Variants in CWC27 observed in about 807,000 individuals in gnomAD.
CWC27 encodes the protein spliceosome-associated protein CWC27 homolog.
In CWC27, 47 loss-of-function variants were observed where a neutral mutation model predicts 63.6. The ratio of observed to expected loss-of-function variants is 0.74; its 90% confidence interval spans 0.58 to 0.94. The LOEUF is 0.94. CWC27 is among the 40% of genes least tolerant of loss of function. The probability of loss-of-function intolerance (pLI) is 0.00; values close to 1 mark genes in which losing one functional copy is unlikely to be tolerated. For synonymous variants in CWC27, 175 were observed against 179.8 expected (o/e 0.97, Z 0.22); for missense variants, 495 against 554.3 (o/e 0.89, Z 1.07).
At chr5:64,871,079 C>T (rs1019466529) in intron 10 of CWC27, among the ~76,000 whole-genome samples, 11 of 151,944 alleles carry the variant, frequency 7.2e-5, no homozygotes, top group African/African-American at 2.4e-4. Context: ...TAAAAAAAAT[C>T]CCATGATATT....
chr5:64,850,192 A>G (rs1481750164), intron 10 of CWC27, among the ~76,000 whole-genome samples: 1 of 144,964 alleles, frequency 6.9e-6, no homozygotes, highest in African/African-American at 2.6e-5. Context: ...CTATACTACA[A>G]AGTTGTAGTA....
At chr5:64,830,354 C>T (rs1482239593) in intron 10 of CWC27, among the ~76,000 whole-genome samples, 1 of 152,018 alleles carries the variant, frequency 6.6e-6, no homozygotes, top group Non-Finnish European at 1.5e-5. Flanking sequence ...ATAAATGGTG[C>T]TGGGAAAACT....
intron 10 of CWC27, among the ~76,000 whole-genome samples, chr5:64,875,144 G>A (rs1001170276): frequency 4.0e-5 from 6 of 151,598 alleles, no homozygotes; most frequent in Non-Finnish European, 8.8e-5. Flanking sequence ...AGTGTGTTTT[G>A]AAAAAAAGAA....
intron 13 of CWC27, among the ~76,000 whole-genome samples, chr5:65,017,057 C>T (rs145033403): frequency 3.3e-5 from 5 of 152,226 alleles, no homozygotes; most frequent in African/African-American, 1.2e-4. Context: ...CACGGTGGCT[C>T]ACACCTGTAA....
intron 10 of CWC27, among the ~76,000 whole-genome samples, chr5:64,875,532 G>A (rs145940604): frequency 2.0e-5 from 3 of 152,078 alleles, no homozygotes; most frequent in East Asian, 1.9e-4. Flanking sequence ...TTGTTGACTC[G>A]CTTATTCCTT....
rs1444332691 is a variant in CWC27, at chr5:64,782,031, A to G, written c.250A>G (p.Lys84Glu). ...AGAGTCTATCTATGGAGCGCCATTCAAAGTAAGACTGAATTATTATTTTTA... is the reference window on the plus strand; with the variant it reads ...AGAGTCTATCTATGGAGCGCCATTCGAAGTAAGACTGAATTATTATTTTTA... ...GGESIYGAPFKDEFHSRLRFN... is the reference protein window; with the variant it reads ...GGESIYGAPFEDEFHSRLRFN... Residue 84 changes from lysine (K) to glutamate (E), a missense_variant and splice_region_variant, in exon 3 of 14, where the codon AAA becomes GAA. By Grantham distance (56) the Lys-to-Glu change is moderately conservative (BLOSUM62 1). Transcript: ENST00000381070. 3 of 1,395,568 alleles carry G rather than the reference A, an allele frequency of 2.1e-6. No individual in the cohort carries two copies. The highest frequency in any genetic ancestry group is 3.0e-6 in the Non-Finnish European group (3 of 1,006,300). The allele number at this position is 1,395,568 out of a possible 1,614,324, so 86.4% of individuals were successfully genotyped here.
chr5:64,807,825 C>G lies in CWC27; in HGVS notation c.938+3439C>G, dbSNP rs1462092995. Reference sequence around the variant, plus strand: ...GAAATGAGAGTAAATTTCTTCAACCCGTATTTCTTTCTCTTCCCCGCTTCG... The same window carrying G: ...GAAATGAGAGTAAATTTCTTCAACCGGTATTTCTTTCTCTTCCCCGCTTCG... On this transcript the variant is annotated intron_variant, in intron 10 of 13. Coordinates refer to ENST00000381070, the MANE Select transcript of CWC27 (RefSeq NM_005869.4). 5.2e-6 allele frequency: 8 copies of G among 1,531,974 alleles called. No individual in the cohort carries two copies. In the African/African-American group the frequency reaches 9.6e-5, roughly 18 times the overall value. The allele number at this position is 1,531,974 out of a possible 1,614,324, so 94.9% of individuals were successfully genotyped here.
At chr5:64,856,468 A>G (rs202012308) in intron 10 of CWC27, among the ~76,000 whole-genome samples, 37 of 149,586 alleles carry the variant, frequency 2.5e-4, no homozygotes, top group East Asian at 5.9e-4. Flanking sequence ...GTGTGTGTGT[A>G]TGTGTGTGTG....
intron 10 of CWC27, among the ~76,000 whole-genome samples, chr5:64,846,451 C>A (rs1451421580): frequency 6.6e-6 from 1 of 152,128 alleles, no homozygotes; most frequent in Non-Finnish European, 1.5e-5. Context: ...TTGTTGTATG[C>A]AAAGTTAAGT....
At chr5:64,979,984 A>AAG (rs1554028718) in intron 13 of CWC27, among the ~76,000 whole-genome samples, 19 of 151,324 alleles carry the variant, frequency 1.3e-4, no homozygotes, top group Non-Finnish European at 1.8e-4. Context: ...AAAAAAAAAA[A>AAG]AGAGAGAGGG....
At chr5:64,991,462 C>T (rs1196698075) in intron 13 of CWC27, among the ~76,000 whole-genome samples, 1 of 152,242 alleles carries the variant, frequency 6.6e-6, no homozygotes, top group Non-Finnish European at 1.5e-5. Context: ...CTGTGGCTCA[C>T]GCCTGTAATC....
intron 10 of CWC27, among the ~76,000 whole-genome samples, chr5:64,844,103 T>C (rs7731884): frequency 0.35 from 53,588 of 151,946 alleles, 9,897 homozygotes; most frequent in East Asian, 0.51. Context: ...TCCCCTTCCC[T>C]TAAGTCAAGC....
At chr5:64,932,237 C>CCCTG (rs1748252623) in intron 11 of CWC27, among the ~76,000 whole-genome samples, 2 of 152,204 alleles carry the variant, frequency 1.3e-5, no homozygotes, top group South Asian at 4.2e-4. Context: ...AATGTCAGAG[C>CCCTG]CCTGATTCAA....
At chr5:64,835,499 C>T (rs1379850627) in intron 10 of CWC27, among the ~76,000 whole-genome samples, 1 of 151,778 alleles carries the variant, frequency 6.6e-6, no homozygotes. Context: ...CAAACTTTTC[C>T]ACTTTCCATT....
At chr5:64,791,676 C>T (rs948683678) in intron 7 of CWC27, among the ~76,000 whole-genome samples, 6 of 152,120 alleles carry the variant, frequency 3.9e-5, no homozygotes, top group Admixed American at 1.3e-4. Context: ...CTGACTCTCA[C>T]GTCTATATCT....
At chr5:64,856,436 G>A (rs1277998814) in intron 10 of CWC27, among the ~76,000 whole-genome samples, 3 of 150,178 alleles carry the variant, frequency 2.0e-5, no homozygotes, top group Non-Finnish European at 4.4e-5. Flanking sequence ...TTCTGTATTT[G>A]TCTTTAAGAA....
At chr5:64,838,148 C>A (rs1041726602) in intron 10 of CWC27, among the ~76,000 whole-genome samples, 15 of 152,122 alleles carry the variant, frequency 9.9e-5, no homozygotes, top group Non-Finnish European at 5.9e-5. Flanking sequence ...TAGTTTTCCT[C>A]TAAATCTTGT....
intron 11 of CWC27, among the ~76,000 whole-genome samples, 187 bp downstream of exon 11, chr5:64,885,733 GTGTGTT>G (rs1203203180): frequency 2.5e-4 from 36 of 142,522 alleles, no homozygotes; most frequent in African/African-American, 1.0e-3. Context: ...GTGTGTGTGT[GTGTGTT>G]TTTAATACTT....
At chr5:64,815,974 T>A (rs1356949774) in intron 10 of CWC27, among the ~76,000 whole-genome samples, 2 of 152,170 alleles carry the variant, frequency 1.3e-5, no homozygotes, top group Non-Finnish European at 2.9e-5. Context: ...TTGTATAGAA[T>A]CCAGATAAAA....
Sources: gnomAD v4.1 joint callset for allele counts (sites outside exome capture counted in the v4.1 genomes callset) on GRCh38, gnomAD v4.1.1 for gene constraint, MANE v1.5 for transcripts, NCBI Gene and HGNC (gene_info 2026-07-23, HGNC 2026-07-21) for gene names.